The following SUGCT variants were observed in gnomAD, a reference collection of about 807,000 sequenced individuals.
The protein encoded by SUGCT is succinyl-CoA:glutarate-CoA transferase.
Under a neutral mutation model 55.0 loss-of-function variants are expected in SUGCT, and 41 were observed. The ratio of observed to expected loss-of-function variants is 0.74; its 90% CI spans 0.58 to 0.97. The LOEUF (loss-of-function observed/expected upper bound fraction) is 0.97. Ranked by LOEUF, SUGCT falls within the 50% of genes least tolerant of loss-of-function variation. SUGCT has a pLI of 0.00. For missense variants in SUGCT, 568 were observed against 547.8 expected (o/e 1.04, Z -0.37); for synonymous variants, 187 against 200.4 (o/e 0.93, Z 0.56).
intron 1 of SUGCT, among the ~76,000 whole-genome samples, chr7:40,139,872 C>A (rs931782172): frequency 2.6e-4 from 40 of 152,132 alleles, no homozygotes; most frequent in African/African-American, 9.4e-4. Context: ...TCCTTACATT[C>A]AAGTCTTTAA....
chr7:40,642,659 T>C (rs956790496), intron 12 of SUGCT, among the ~76,000 whole-genome samples: 5 of 152,236 alleles, frequency 3.3e-5, no homozygotes, highest in African/African-American at 1.2e-4. Flanking sequence ...ACCAGGCCAG[T>C]GAAATACAGG....
intron 12 of SUGCT, among the ~76,000 whole-genome samples, chr7:40,553,428 C>G (rs1432718014): frequency 3.3e-5 from 5 of 152,078 alleles, no homozygotes; most frequent in African/African-American, 1.2e-4. Context: ...AATGATGTAA[C>G]CCTTGATCAA....
At chr7:40,563,364 C>T (rs1795945264) in intron 12 of SUGCT, among the ~76,000 whole-genome samples, 4 of 152,090 alleles carry the variant, frequency 2.6e-5, no homozygotes, top group Admixed American at 2.0e-4. Context: ...TTTGACAGTT[C>T]TTCGGTATTT....
At chr7:40,955,048 G>A in the SUGCT span, among the ~76,000 whole-genome samples, 20 of 152,258 alleles carry the variant, frequency 1.3e-4, no homozygotes, top group East Asian at 3.1e-3. Context: ...TAGCCTTGTA[G>A]TATAGTTTGA....
At chr7:40,772,694 A>G (rs1213852766) in intron 13 of SUGCT, among the ~76,000 whole-genome samples, 2 of 151,704 alleles carry the variant, frequency 1.3e-5, no homozygotes, top group African/African-American at 2.4e-5. Flanking sequence ...CAGCAGTGCA[A>G]TCATGGCTCA....
intron 7 of SUGCT, among the ~76,000 whole-genome samples, chr7:40,246,278 C>G (rs558770187): frequency 1.3e-5 from 2 of 148,486 alleles, no homozygotes; most frequent in Non-Finnish European, 3.0e-5. Flanking sequence ...GAGATGGAGT[C>G]TTGCTTTGTC....
chr7:40,960,269 G>C, the SUGCT span, among the ~76,000 whole-genome samples: 230 of 152,232 alleles, frequency 1.5e-3, no homozygotes, highest in African/African-American at 5.3e-3. Flanking sequence ...TCCTTCAAAA[G>C]CTGTTTCTCA....
chr7:40,211,820 C>T (rs765610545), intron 6 of SUGCT, among the ~76,000 whole-genome samples: 22 of 152,114 alleles, frequency 1.4e-4, no homozygotes, highest in Non-Finnish European at 3.1e-4. Flanking sequence ...TTTGCAGTTC[C>T]CAAATTTACT....
At chr7:40,494,026 G>A (rs1791841068) in intron 11 of SUGCT, among the ~76,000 whole-genome samples, 1 of 152,128 alleles carries the variant, frequency 6.6e-6, no homozygotes, top group Admixed American at 6.6e-5. Flanking sequence ...TTTCCAGAGT[G>A]CATCCATTGT....
chr7:40,443,846 A>G (rs1291443315), intron 9 of SUGCT, among the ~76,000 whole-genome samples: 1 of 152,076 alleles, frequency 6.6e-6, no homozygotes, highest in Non-Finnish European at 1.5e-5. Flanking sequence ...TAGGGTTTTT[A>G]TGGTTTTAGG....
intron 12 of SUGCT, among the ~76,000 whole-genome samples, chr7:40,509,042 C>G (rs1792777075): frequency 6.6e-6 from 1 of 151,994 alleles, no homozygotes; most frequent in African/African-American, 2.4e-5. Flanking sequence ...AGTAATCTCC[C>G]AAAGAACACA....
At chr7:40,484,316 G>T (rs1384745845) in intron 11 of SUGCT, among the ~76,000 whole-genome samples, 4 of 152,070 alleles carry the variant, frequency 2.6e-5, no homozygotes, top group Non-Finnish European at 5.9e-5. Context: ...CAGCATTCTT[G>T]AAAGAATCAG....
chr7:40,646,974 G>T (rs1034594010), intron 12 of SUGCT, among the ~76,000 whole-genome samples: 1 of 152,192 alleles, frequency 6.6e-6, no homozygotes, highest in African/African-American at 2.4e-5. Context: ...AGCAGAATTA[G>T]TGTAGTGGGC....
rs143174497 is a variant in SUGCT at position 40,191,177 on chromosome 7, C to T, written c.363+1583C>T. ...GTCCACAGGTATGTGCCACCATGCCCGGCTAATTTTTATATTTTTAGTAGA... is the reference window on the plus strand; with the variant it reads ...GTCCACAGGTATGTGCCACCATGCCTGGCTAATTTTTATATTTTTAGTAGA... On this transcript the variant is annotated intron_variant, in intron 5 of 13. Coordinates refer to ENST00000335693, the MANE Select transcript of SUGCT (RefSeq NM_001193313.2). 3.9e-3 allele frequency among the ~76,000 whole-genome samples: 586 copies of T among 152,122 alleles called. 4 individuals are homozygous for T. Among genetic ancestry groups the T allele is most frequent in the African/African-American group, 0.013 (560 of 41,498 alleles).
At chr7:40,342,929 C>T (rs2151180941) in intron 9 of SUGCT, among the ~76,000 whole-genome samples, 1 of 152,332 alleles carries the variant, frequency 6.6e-6, no homozygotes, top group African/African-American at 2.4e-5. Context: ...AGGCATGGGC[C>T]ACTGCGTCTG....
At chr7:40,145,612 T>C (rs925916556) in intron 1 of SUGCT, among the ~76,000 whole-genome samples, 3 of 152,110 alleles carry the variant, frequency 2.0e-5, no homozygotes, top group Middle Eastern at 3.2e-3. Context: ...GTTAGGATAA[T>C]ACATGTTACA....
At chr7:40,231,069 T>C (rs1032112764) in intron 6 of SUGCT, among the ~76,000 whole-genome samples, 1 of 152,126 alleles carries the variant, frequency 6.6e-6, no homozygotes, top group African/African-American at 2.4e-5. Context: ...TGAGATTCAT[T>C]AGAGAGATGA....
the SUGCT span, among the ~76,000 whole-genome samples, chr7:41,018,880 A>G: frequency 1.3e-5 from 2 of 151,800 alleles, no homozygotes; most frequent in African/African-American, 4.8e-5. Context: ...TCCCCTATAA[A>G]CAACATTTAT....
the SUGCT span, among the ~76,000 whole-genome samples, chr7:41,030,799 G>A: frequency 0.015 from 2,291 of 152,224 alleles, 57 homozygotes; most frequent in African/African-American, 0.05. Context: ...CCTCTGAGTT[G>A]TGGGAGTAGC....
Sources: gnomAD v4.1 joint callset for allele counts (sites outside exome capture counted in the v4.1 genomes callset) on GRCh38, gnomAD v4.1.1 for gene constraint, MANE v1.5 for transcripts, NCBI Gene and HGNC (gene_info 2026-07-23, HGNC 2026-07-21) for gene names.